Variants in PCDHGA11 observed in about 807,000 individuals in gnomAD.
The protein encoded by PCDHGA11 is protocadherin gamma-A11.
Under a neutral mutation model 60.4 loss-of-function variants are expected in PCDHGA11, and 39 were observed. That is an observed-to-expected ratio of 0.65 (90% CI 0.50 to 0.84). PCDHGA11 has a LOEUF of 0.84. Ranked by LOEUF, PCDHGA11 falls within the 40% of genes least tolerant of loss-of-function variation. PCDHGA11 has a pLI of 0.00. For synonymous variants in PCDHGA11, 533 were observed against 510.3 expected, an observed-to-expected ratio of 1.04 and a Z score of -0.60; for missense variants, 1,165 against 1,197.7, an observed-to-expected ratio of 0.97 and a Z score of 0.40.
intron 1 of PCDHGA11, among the ~76,000 whole-genome samples, chr5:141,465,017 C>T (rs1278815002): frequency 6.6e-6 from 1 of 152,132 alleles, no homozygotes; most frequent in Non-Finnish European, 1.5e-5. Context: ...GCTAAGATTA[C>T]AGCCATGAAC....
chr5:141,437,651 CAT>C (rs1255783396), intron 1 of PCDHGA11, among the ~76,000 whole-genome samples: 2 of 151,990 alleles, frequency 1.3e-5, no homozygotes, highest in Non-Finnish European at 2.9e-5. Context: ...AAAGCAAACA[CAT>C]AGTTTCGAAG....
Position 141,512,089 on chromosome 5 carries a change from T to C in PCDHGA11, c.*916T>C, listed in dbSNP as rs1292597067. 6.6e-6 allele frequency: 1 copy of C among 152,606 alleles called. No individual in the cohort carries two copies. Among genetic ancestry groups the C allele is most frequent in the Non-Finnish European group, 1.5e-5 (1 of 68,068 alleles). 9.5% of individuals were successfully genotyped at this position (152,606 alleles called of 1,614,324 possible). A position where few individuals can be genotyped will look rare whatever the true frequency, so the allele number is the denominator to read the frequency against. ...CCTCCAGATTCCAGCCATAAACCAA[T>C]AACTAGGCTGGACCCTTCCCACTAC... On this transcript the variant is annotated 3_prime_UTR_variant, in exon 4 of 4. Coordinates refer to ENST00000398587, the MANE Select transcript of PCDHGA11 (RefSeq NM_018914.3).
In PCDHGA11 at chr5:141,433,322, T is replaced by A. The variant is rs907709272; in HGVS notation, c.2433+9662T>A. On this transcript the variant is annotated intron_variant, in intron 1 of 3. Transcript: ENST00000398587. ...AATTATCCCACCTTTGCCTCCGGTGTAACAGGGACTACAGGTGCAAGCCAC... is the reference window on the plus strand; with the variant it reads ...AATTATCCCACCTTTGCCTCCGGTGAAACAGGGACTACAGGTGCAAGCCAC... The A allele has an allele frequency of 5.3e-6, 4 of 760,298 alleles. No homozygotes were observed. In the African/African-American group the frequency reaches 7.1e-5, roughly 13 times the overall value. The allele number at this position is 760,298 out of a possible 1,614,324, so 47.1% of individuals were successfully genotyped here.
At chr5:141,435,593 G>A (rs183768133) in intron 1 of PCDHGA11, among the ~76,000 whole-genome samples, 9 of 152,112 alleles carry the variant, frequency 5.9e-5, no homozygotes, top group Admixed American at 2.6e-4. Flanking sequence ...CAGTAATATC[G>A]CCTGCTTTTT....
At chr5:141,442,664 G>A (rs1289986124) in intron 1 of PCDHGA11, among the ~76,000 whole-genome samples, 2 of 152,342 alleles carry the variant, frequency 1.3e-5, no homozygotes, top group East Asian at 1.9e-4. Flanking sequence ...TATTTGGCAT[G>A]GTGAGCTTGA....
intron 2 of PCDHGA11, among the ~76,000 whole-genome samples, chr5:141,500,410 C>G (rs2099800033): frequency 6.6e-6 from 1 of 151,774 alleles, no homozygotes; most frequent in Non-Finnish European, 1.5e-5. Flanking sequence ...GGGGTTTCAC[C>G]GTGTTAGCCA....
intron 1 of PCDHGA11, among the ~76,000 whole-genome samples, chr5:141,465,038 G>T (rs1297185291): frequency 6.6e-6 from 1 of 151,642 alleles, no homozygotes; most frequent in Non-Finnish European, 1.5e-5. Flanking sequence ...CACCACAAAT[G>T]ACCCTATATA....
intron 1 of PCDHGA11, among the ~76,000 whole-genome samples, chr5:141,492,539 G>A (rs1474928199): frequency 1.3e-5 from 2 of 152,200 alleles, no homozygotes; most frequent in African/African-American, 2.4e-5. Context: ...GCCCCGGGCT[G>A]GGCCGGGTCG....
At chr5:141,509,143 C>T (rs1022878562) in intron 3 of PCDHGA11, among the ~76,000 whole-genome samples, 9 of 152,138 alleles carry the variant, frequency 5.9e-5, no homozygotes, top group Non-Finnish European at 1.0e-4. Flanking sequence ...AGGCGCATCC[C>T]GGCTCTCCCC....
intron 1 of PCDHGA11, among the ~76,000 whole-genome samples, chr5:141,492,882 C>G (rs2099744816): frequency 6.6e-6 from 1 of 152,218 alleles, no homozygotes; most frequent in Admixed American, 6.5e-5. Context: ...CCCAGAGATA[C>G]AGGCTTTTGG....
intron 1 of PCDHGA11, among the ~76,000 whole-genome samples, chr5:141,467,743 C>T (rs1166073224): frequency 8.5e-5 from 13 of 152,052 alleles, no homozygotes; most frequent in Non-Finnish European, 1.8e-4. Flanking sequence ...CTCGCTGCAA[C>T]CTCCGCCTCA....
chr5:141,486,760 G>C lies in PCDHGA11; in HGVS notation c.2434-8047G>C. ...GATCCTTTGACTATGAGCAAACCCAGACACTGCAGTTTGAGGTGCAGGCCC... is the reference window on the plus strand; with the variant it reads ...GATCCTTTGACTATGAGCAAACCCACACACTGCAGTTTGAGGTGCAGGCCC... On this transcript the variant is annotated intron_variant, in intron 1 of 3. Transcript: ENST00000398587. This position sits in a 1 kb window ranked among gnomAD's most constrained non-coding sequence, Gnocchi z 5.0. 1.2e-6 allele frequency: 2 copies of C among 1,614,240 alleles called. No homozygotes were observed. The highest frequency in any genetic ancestry group is 2.2e-5 in the South Asian group (2 of 91,086).
chr5:141,501,501 T>C (rs2099809553), intron 2 of PCDHGA11, among the ~76,000 whole-genome samples: 1 of 151,938 alleles, frequency 6.6e-6, no homozygotes, highest in Non-Finnish European at 1.5e-5. Context: ...CTGCTGGGGC[T>C]CCAAGGCCTC....
intron 1 of PCDHGA11, among the ~76,000 whole-genome samples, chr5:141,455,393 C>G (rs574741955): frequency 6.4e-4 from 97 of 152,150 alleles, no homozygotes; most frequent in African/African-American, 2.2e-3. Flanking sequence ...GAAGGAGCTC[C>G]CCCTTACAGA....
chr5:141,496,225 G>C (rs112222482), intron 2 of PCDHGA11, among the ~76,000 whole-genome samples: 178 of 152,276 alleles, frequency 1.2e-3, no homozygotes, highest in Non-Finnish European at 1.8e-3. Context: ...TGCTGAGACA[G>C]GAACCCCCTG....
At chr5:141,427,440 G>A (rs747459662) in intron 1 of PCDHGA11, 1 of 477,484 alleles carries the variant, frequency 2.1e-6, no homozygotes, top group South Asian at 1.5e-5. Flanking sequence ...CCTCATAAAC[G>A]AAAGAGTTCC....
chr5:141,490,149 T>C lies in PCDHGA11; in HGVS notation c.2434-4658T>C. The C allele has an allele frequency of 1.9e-6, 3 of 1,614,188 alleles. No individual in the cohort carries two copies. The highest frequency in any genetic ancestry group is 2.7e-5 in the African/African-American group (2 of 75,050). On this transcript the variant is annotated intron_variant, in intron 1 of 3. Coordinates refer to ENST00000398587, the MANE Select transcript of PCDHGA11 (RefSeq NM_018914.3). This position sits in a 1 kb window ranked among gnomAD's most constrained non-coding sequence, Gnocchi z 5.4. ...TAGACCCTAGCAGTGGGGCAATCCA[T>C]GTGTTGGGTCCCATAGACTTTGAGG... is the stretch of plus-strand genomic sequence containing the variant.
chr5:141,482,505 C>T (rs1183998287), intron 1 of PCDHGA11, among the ~76,000 whole-genome samples: 1 of 122,986 alleles, frequency 8.1e-6, no homozygotes, highest in African/African-American at 3.4e-5. Context: ...TTCTGGTACC[C>T]AGAGTACAGT....
intron 2 of PCDHGA11, among the ~76,000 whole-genome samples, chr5:141,496,703 GT>G (rs1360916053): frequency 6.6e-6 from 1 of 152,132 alleles, no homozygotes; most frequent in East Asian, 1.9e-4. Context: ...CTTCTCATAA[GT>G]TATCCATTAA....
Sources: allele counts gnomAD v4.1 joint callset (sites outside exome capture counted in the v4.1 genomes callset), GRCh38; gene constraint gnomAD v4.1.1; non-coding constraint Gnocchi (gnomAD v3.1); transcripts MANE v1.5; gene names NCBI Gene and HGNC (gene_info 2026-07-23, HGNC 2026-07-21).